The following LIPI variants were observed in gnomAD, a reference collection of about 807,000 sequenced individuals.
LIPI encodes lipase I, also known as lipase member I.
LIPI carries 59 observed loss-of-function variants against 50.6 expected under a neutral mutation model. The observed-to-expected ratio is 1.16, with a 90% CI of 0.94 to 1.45. LIPI has a LOEUF of 1.45. Among genes scored for constraint, LIPI ranks in the 40% most tolerant of loss-of-function variants. LIPI has a pLI of 0.00. For missense variants in LIPI, 586 were observed against 536.3 expected (o/e 1.09, Z -0.92); for synonymous variants, 203 against 178.2 (o/e 1.14, Z -1.11).
intron 9 of LIPI, among the ~76,000 whole-genome samples, chr21:14,116,748 C>T (rs2016658036): frequency 6.6e-6 from 1 of 152,084 alleles, no homozygotes; most frequent in Admixed American, 6.6e-5. Context: ...GATTCAGACC[C>T]GTCCAAAATG....
intron 2 of LIPI, among the ~76,000 whole-genome samples, chr21:14,186,854 C>T (rs1022405516): frequency 1.4e-4 from 22 of 152,170 alleles, no homozygotes; most frequent in African/African-American, 5.1e-4. Flanking sequence ...CCTCACCAGA[C>T]ACTGAATCTG....
intron 1 of LIPI, among the ~76,000 whole-genome samples, chr21:14,203,540 T>C (rs1287906365): frequency 2.0e-5 from 3 of 151,732 alleles, no homozygotes; most frequent in Non-Finnish European, 1.5e-5. Context: ...TGTAGGGACA[T>C]GGATGAAGCT....
chr21:14,174,062 G>A lies in LIPI; in HGVS notation c.644-7611C>T, dbSNP rs775375245. ...GTGAAATTTCCTCATATATGAACTC[G>A]ACATGGAGTTCCAAGACTAGGGGTT... On this transcript the variant is annotated intron_variant, in intron 4 of 9. Coordinates refer to ENST00000681601, the MANE Select transcript of LIPI (RefSeq NM_001302998.2). Among the ~76,000 whole-genome samples the A allele has an allele frequency of 9.2e-5, 14 of 152,082 alleles. 1 individual carries two copies. Among genetic ancestry groups the A allele is most frequent in the East Asian group, 1.9e-4 (1 of 5,190 alleles).
At chr21:14,125,267 G>A (rs190308327) in intron 9 of LIPI, among the ~76,000 whole-genome samples, 25 of 152,248 alleles carry the variant, frequency 1.6e-4, no homozygotes, top group African/African-American at 5.5e-4. Flanking sequence ...TAATAGAACA[G>A]CACAAAACCT....
Position 14,158,804 on chromosome 21 carries a change from A to T in LIPI, c.1006+4615T>A, listed in dbSNP as rs1455483299. On this transcript the variant is annotated intron_variant, in intron 7 of 9. Transcript: ENST00000681601. Reference sequence around the variant, plus strand: ...AAGACACAAATCACTGTTAGGAATAAAACAAAAGGCATTACTAAAGATAAT... The same window carrying T: ...AAGACACAAATCACTGTTAGGAATATAACAAAAGGCATTACTAAAGATAAT... Among the ~76,000 whole-genome samples, 5 of 151,076 alleles carry T rather than the reference A, an allele frequency of 3.3e-5. No individual in the cohort carries two copies. The East Asian group carries it at 9.7e-4, about 29-fold the overall frequency.
chr21:14,161,140 A>G (rs1394912574), intron 7 of LIPI, among the ~76,000 whole-genome samples: 2 of 151,198 alleles, frequency 1.3e-5, no homozygotes, highest in African/African-American at 2.4e-5. Context: ...AGATAAATGA[A>G]GACATATTCA....
intron 7 of LIPI, among the ~76,000 whole-genome samples, chr21:14,161,619 T>C (rs868105741): frequency 9.0e-6 from 1 of 111,050 alleles, no homozygotes; most frequent in Non-Finnish European, 1.7e-5. Flanking sequence ...AATATACATA[T>C]ATAATATATT....
At chr21:14,138,195 C>T (rs1459460879) in intron 9 of LIPI, among the ~76,000 whole-genome samples, 3 of 144,744 alleles carry the variant, frequency 2.1e-5, no homozygotes, top group African/African-American at 7.5e-5. Flanking sequence ...ACCCCCTAAA[C>T]ATAGATAAAA....
chr21:14,130,724 A>T (rs192672830), intron 9 of LIPI, among the ~76,000 whole-genome samples: 1 of 152,308 alleles, frequency 6.6e-6, no homozygotes. Context: ...GGAGAGATCA[A>T]GCTCTTCTAA....
intron 8 of LIPI, among the ~76,000 whole-genome samples, chr21:14,149,645 TG>T (rs2018020217): frequency 6.6e-6 from 1 of 152,156 alleles, no homozygotes; most frequent in African/African-American, 2.4e-5. Flanking sequence ...GTACAAGCAT[TG>T]GGTAAATACA....
chr21:14,139,846 T>C (rs2017640173), intron 9 of LIPI, among the ~76,000 whole-genome samples: 1 of 152,018 alleles, frequency 6.6e-6, no homozygotes, highest in Non-Finnish European at 1.5e-5. Context: ...AGTACAAAGG[T>C]TCTAAGGAGG....
In LIPI at chr21:14,189,383, C is replaced by T; in HGVS notation, c.83G>A (p.Ser28Asn). ...TAAATCTCTGAAGGAATCCTTTACA[C>T]TTAGCTGAGAGAATTCAAGGCATGG... ...KRPCLEFSQL[S>N]VKDSFRDLFI... Residue 28 changes from serine to asparagine, a missense_variant, in exon 2 of 10, where the codon AGT becomes AAT. By Grantham distance (46) the Ser-to-Asn change is conservative. Transcript: ENST00000681601. 2 of 1,613,010 alleles carry T rather than the reference C, an allele frequency of 1.2e-6. No homozygotes were observed. The highest frequency in any genetic ancestry group is 1.3e-5 in the African/African-American group (1 of 75,020).
chr21:14,172,655 G>C (rs1289688441), intron 4 of LIPI, among the ~76,000 whole-genome samples: 2 of 147,808 alleles, frequency 1.4e-5, no homozygotes, highest in African/African-American at 5.0e-5. Flanking sequence ...TCATAGGTGG[G>C]AATTGAACAA....
At chr21:14,173,372 A>G (rs373495655) in intron 4 of LIPI, among the ~76,000 whole-genome samples, 5 of 152,348 alleles carry the variant, frequency 3.3e-5, no homozygotes, top group East Asian at 3.9e-4. Context: ...TCAGAGTGAC[A>G]TGAAACACAT....
intron 9 of LIPI, among the ~76,000 whole-genome samples, chr21:14,136,352 G>A (rs527341996): frequency 2.7e-4 from 41 of 152,308 alleles, no homozygotes; most frequent in Middle Eastern, 3.4e-3. Flanking sequence ...TAAATGGTGA[G>A]TCCCAGGCTA....
chr21:14,145,152 C>T (rs910724614), intron 8 of LIPI, among the ~76,000 whole-genome samples: 6 of 71,202 alleles, frequency 8.4e-5, no homozygotes, highest in Non-Finnish European at 1.4e-4. Context: ...AGACTAGGTG[C>T]TTAACGGACA....
At chr21:14,113,390 G>A (rs765877711) in intron 9 of LIPI, among the ~76,000 whole-genome samples, 21 of 152,332 alleles carry the variant, frequency 1.4e-4, no homozygotes, top group Admixed American at 2.6e-4. Flanking sequence ...TGAGAACTAC[G>A]ATGTTTGAGA....
chr21:14,142,490 G>T (rs8127774), intron 9 of LIPI, among the ~76,000 whole-genome samples: 78,300 of 148,702 alleles, frequency 0.53, 20,954 homozygotes, highest in African/African-American at 0.63. Flanking sequence ...TATATATTTT[G>T]TTGTTGTTGT....
At chr21:14,152,850 T>C (rs7283069) in intron 7 of LIPI, among the ~76,000 whole-genome samples, 166 bp from the exon 8 acceptor site, 6,026 of 151,958 alleles carry the variant, frequency 0.04, 379 homozygotes, top group African/African-American at 0.13. Flanking sequence ...AAATGGGTAA[T>C]ATATTTTACC....
Sources: gnomAD v4.1 joint callset for allele counts (sites outside exome capture counted in the v4.1 genomes callset) on GRCh38, gnomAD v4.1.1 for gene constraint, MANE v1.5 for transcripts, NCBI Gene and HGNC (gene_info 2026-07-23, HGNC 2026-07-21) for gene names.